Variants in SORBS2 observed in about 807,000 individuals in gnomAD.
SORBS2 encodes the protein sorbin and SH3 domain-containing protein 2.
Under a neutral mutation model 97.7 loss-of-function variants are expected in SORBS2, and 46 were observed. That is an observed-to-expected ratio of 0.47 (90% confidence interval 0.37 to 0.60). The LOEUF (loss-of-function observed/expected upper bound fraction) is 0.60. SORBS2 is among the 20% of genes least tolerant of loss of function. The pLI is 0.00. For missense variants in SORBS2, 1,316 were observed against 1,282.3 expected, an observed-to-expected ratio of 1.03 and a Z score of -0.40; for synonymous variants, 476 against 473.4, an observed-to-expected ratio of 1.01 and a Z score of -0.07.
In SORBS2 at chr4:185,877,731, G is replaced by A. The variant is rs920563208; in HGVS notation, c.-338+78465C>T. Among the ~76,000 whole-genome samples, 9 of 151,868 alleles carry A rather than the reference G, an allele frequency of 5.9e-5. No homozygotes were observed. In the South Asian group the frequency reaches 1.0e-3, roughly 18 times the overall value. On this transcript the variant is annotated intron_variant, in intron 1 of 20. Transcript: ENST00000284776. ...AAAAAAATACAAAAAATTAACCAGCGTGGTGGTGGACATCTGTAATCCCAG... is the reference window on the plus strand; with the variant it reads ...AAAAAAATACAAAAAATTAACCAGCATGGTGGTGGACATCTGTAATCCCAG...
chr4:185,688,937 A>T (rs115540589), intron 2 of SORBS2, among the ~76,000 whole-genome samples: 2,184 of 152,248 alleles, frequency 0.014, 54 homozygotes, highest in African/African-American at 0.049. Context: ...ATCCTATACA[A>T]ATTGCATCCC....
chr4:185,715,842 A>G (rs1044043013), intron 2 of SORBS2, among the ~76,000 whole-genome samples: 10 of 152,246 alleles, frequency 6.6e-5, no homozygotes, highest in Non-Finnish European at 1.2e-4. Flanking sequence ...GATAAATAAT[A>G]AATCTTAAGT....
At chr4:185,610,484 A>G (rs1408219101) in intron 12 of SORBS2, among the ~76,000 whole-genome samples, 1 of 152,162 alleles carries the variant, frequency 6.6e-6, no homozygotes, top group Non-Finnish European at 1.5e-5. Flanking sequence ...TATATTATCC[A>G]TGAATACAGG....
chr4:185,634,951 T>C (rs1272886117), intron 4 of SORBS2, among the ~76,000 whole-genome samples: 1 of 152,204 alleles, frequency 6.6e-6, no homozygotes, highest in Non-Finnish European at 1.5e-5. Flanking sequence ...ATATGGGACA[T>C]AGGCATCTGA....
At chr4:185,833,881 G>A (rs536673565) in intron 1 of SORBS2, among the ~76,000 whole-genome samples, 87 of 152,162 alleles carry the variant, frequency 5.7e-4, no homozygotes, top group Admixed American at 1.2e-3. Context: ...ATGTTTTTGC[G>A]TCATATAAAT....
rs1344191850 is a variant in SORBS2 at position 185,684,318 on chromosome 4, G to A, written c.-197-5496C>T. 1.3e-5 allele frequency among the ~76,000 whole-genome samples: 2 copies of A among 152,076 alleles called. No individual in the cohort carries two copies. The highest frequency in any genetic ancestry group is 6.6e-5 in the Admixed American group (1 of 15,256). ...TTGGTATGTTTAAATATATATAGTA[G>A]AAGGGTATTTGCTGATTGGATTAAA... On this transcript the variant is annotated intron_variant, in intron 2 of 20. Coordinates refer to the SORBS2 transcript ENST00000284776. This position sits in a 1 kb window ranked among gnomAD's most constrained non-coding sequence, Gnocchi z 4.2.
chr4:185,706,818 T>G (rs74770024), intron 2 of SORBS2, among the ~76,000 whole-genome samples: 44 of 152,370 alleles, frequency 2.9e-4, no homozygotes, highest in Non-Finnish European at 5.4e-4. Flanking sequence ...AAGATTCATC[T>G]ATATTGTTGG....
At chr4:185,781,646 TCTCCAGCGTCCCTTCCATTGCCTCC>T (rs2099030953) in intron 1 of SORBS2, among the ~76,000 whole-genome samples, 2 of 37,016 alleles carry the variant, frequency 5.4e-5, no homozygotes, top group Admixed American at 1.8e-4. Context: ...GCCTCCGGCC[TCTCCAGCGTCCCTTCCATTGCCTCC>T]GGCCTCTCCA....
At chr4:185,725,956 C>G (rs143106139) in intron 2 of SORBS2, among the ~76,000 whole-genome samples, 1 of 151,990 alleles carries the variant, frequency 6.6e-6, no homozygotes, top group Non-Finnish European at 1.5e-5. Context: ...TCAAACTGAA[C>G]TTTTTGTTGC....
At chr4:185,949,970 G>A (rs1204890653) in intron 1 of SORBS2, among the ~76,000 whole-genome samples, 2 of 152,010 alleles carry the variant, frequency 1.3e-5, no homozygotes, top group Admixed American at 1.3e-4. Flanking sequence ...AGAATATTTT[G>A]AGGCCAGACA....
At chr4:185,662,037 C>T in intron 5 of SORBS2, 67 bp downstream of exon 8, 2 of 1,575,376 alleles carry the variant, frequency 1.3e-6, no homozygotes, top group African/African-American at 1.3e-5. Flanking sequence ...TGCCGCATAT[C>T]TTTCTCCTGT....
intron 1 of SORBS2, among the ~76,000 whole-genome samples, chr4:185,864,802 C>T (rs984680532): frequency 6.6e-6 from 1 of 151,762 alleles, no homozygotes; most frequent in African/African-American, 2.4e-5. Context: ...ATAACAACTA[C>T]TTGGGAGGCC....
intron 12 of SORBS2, among the ~76,000 whole-genome samples, chr4:185,596,829 G>A (rs927413824): frequency 2.6e-5 from 4 of 151,746 alleles, no homozygotes; most frequent in Admixed American, 6.6e-5. Flanking sequence ...CACTGCGCCC[G>A]GCCCCCGTCC....
chr4:185,926,139 T>A (rs900720062), intron 1 of SORBS2, among the ~76,000 whole-genome samples: 1 of 152,192 alleles, frequency 6.6e-6, no homozygotes, highest in Non-Finnish European at 1.5e-5. Flanking sequence ...AGGCTTGGGA[T>A]CTCACGTGAA....
chr4:185,890,176 C>G (rs192394590), intron 1 of SORBS2, among the ~76,000 whole-genome samples: 1 of 152,174 alleles, frequency 6.6e-6, no homozygotes, highest in Non-Finnish European at 1.5e-5. Context: ...TGTGAGCCAC[C>G]GCACCTGGAC....
At chr4:185,670,076 A>G (rs148419418) in intron 4 of SORBS2, among the ~76,000 whole-genome samples, 5,737 of 152,036 alleles carry the variant, frequency 0.038, 119 homozygotes, top group South Asian at 0.067. Flanking sequence ...AAAATTAGCC[A>G]GGCGTGATGG....
chr4:185,916,905 G>T (rs2099258446), intron 1 of SORBS2, among the ~76,000 whole-genome samples: 1 of 152,244 alleles, frequency 6.6e-6, no homozygotes, highest in Non-Finnish European at 1.5e-5. Context: ...CTCATGGCTG[G>T]CAGCTCCCAG....
intron 1 of SORBS2, among the ~76,000 whole-genome samples, chr4:185,936,267 A>T (rs891133263): frequency 6.6e-6 from 1 of 152,218 alleles, no homozygotes; most frequent in Non-Finnish European, 1.5e-5. Context: ...ACCAAGGCAC[A>T]TGGTTTATCC....
At chr4:185,710,193 A>G (rs958905454) in intron 2 of SORBS2, among the ~76,000 whole-genome samples, 90 of 151,864 alleles carry the variant, frequency 5.9e-4, no homozygotes, top group African/African-American at 2.1e-3. Context: ...TTTCCCCAAG[A>G]CTGAAGATCC....
Sources: gnomAD v4.1 joint callset for allele counts (sites outside exome capture counted in the v4.1 genomes callset) on GRCh38, gnomAD v4.1.1 for gene constraint, Gnocchi (gnomAD v3.1) non-coding constraint, MANE v1.5 for transcripts, NCBI Gene and HGNC (gene_info 2026-07-23, HGNC 2026-07-21) for gene names.